Variants in UCKL1 observed in about 807,000 individuals in gnomAD.
The protein encoded by UCKL1 is uridine-cytidine kinase 1 like 1, also known as uridine-cytidine kinase-like 1.
A neutral mutation model predicts 59.2 loss-of-function variants in UCKL1; 65 were observed. The observed-to-expected ratio is 1.10, with a 90% CI of 0.90 to 1.35. UCKL1 has a LOEUF of 1.35. Among genes scored for constraint, UCKL1 ranks in the 40% most tolerant of loss-of-function variants. The pLI, the probability that UCKL1 is intolerant of heterozygous loss-of-function variation, is 0.00. For synonymous variants in UCKL1, 410 were observed against 323.1 expected (o/e 1.27, Z -2.88); for missense variants, 703 against 784.3 (o/e 0.90, Z 1.24).
chr20:63,949,629 C>G (rs1363865529), intron 1 of UCKL1, among the ~76,000 whole-genome samples: 4 of 152,354 alleles, frequency 2.6e-5, no homozygotes, highest in African/African-American at 9.6e-5. Flanking sequence ...TCCCAGCAGA[C>G]AGAAACGCTC....
At position 63,939,996 on chromosome 20, in the gene UCKL1, C is replaced by G; in HGVS notation, c.1627G>C (p.Glu543Gln). 1 of 1,612,382 alleles carries G rather than the reference C, an allele frequency of 6.2e-7. No homozygotes were observed. The change falls in exon 15 of 15, where the codon GAA becomes CAA. Residue 543 changes from glutamate (E) to glutamine (Q), a missense_variant. This residue lies in a region of UCKL1 where 124 missense variants were observed against 161.1 expected (regional missense o/e 0.77). Transcript: ENST00000354216. The stretch of plus-strand genomic sequence containing the variant: ...GGCAGCTAACCCGTGTAGGCCACTT[C>G]CTCCTCGTCACTGCCATCGGGGACC... ...DAVPDGSDEE[E>Q]VAYTG is the part of the protein sequence containing the mutation.
chr20:63,944,385 G>A lies in UCKL1; in HGVS notation c.906+12C>T. The A allele has an allele frequency of 6.4e-7, 1 of 1,550,568 alleles. No homozygotes were observed. Among genetic ancestry groups the A allele is most frequent in the Non-Finnish European group, 8.7e-7 (1 of 1,148,318 alleles). ...TGGGGGCTAGGCCGTGGGGACGTGG[G>A]ACCCCGCTCACCTCCTCCAGCTGGC... On this transcript the variant is annotated intron_variant, in intron 7 of 14. Transcript: ENST00000354216.
intron 1 of UCKL1, 136 bp downstream of exon 1, chr20:63,956,124 A>G: frequency 1.2e-6 from 1 of 826,654 alleles, no homozygotes. Context: ...GGCACGTGGG[A>G]GAACGGGGCG....
In UCKL1 at chr20:63,944,627, C is replaced by T. The variant is rs140037064; in HGVS notation, c.762G>A (p.Lys254=). The T allele has an allele frequency of 1.2e-6, 2 of 1,613,086 alleles. No homozygotes were observed. The highest frequency in any genetic ancestry group is 1.6e-4 in the Middle Eastern group (1 of 6,084). ...ERGRDIEGVI[K]QYNKFVKPSF... ...AGGGCTTGACAAACTTGTTGTACTG[C>T]TTGATGACACCCTCGATGTCCCGGC... The change falls in exon 6 of 15, where the codon AAG becomes AAA. Residue 254 remains lysine, a synonymous_variant. Coordinates refer to ENST00000354216, the MANE Select transcript of UCKL1 (RefSeq NM_017859.4).
Position 63,943,683 on chromosome 20 carries a change from A to G in UCKL1, c.907-14T>C, listed in dbSNP as rs1315446410. 1 of 1,612,484 alleles carries G rather than the reference A, an allele frequency of 6.2e-7. No homozygotes were observed. The highest frequency in any genetic ancestry group is 8.5e-7 in the Non-Finnish European group (1 of 1,179,876). On this transcript the variant is annotated splice_polypyrimidine_tract_variant and intron_variant, in intron 7 of 14. Coordinates refer to ENST00000354216, the MANE Select transcript of UCKL1 (RefSeq NM_017859.4). ...GCTGAGTTCACGCTGTGGCAGCAACACAGGAAGACACAAGGGAACGGTGGC... is the reference window on the plus strand; with the variant it reads ...GCTGAGTTCACGCTGTGGCAGCAACGCAGGAAGACACAAGGGAACGGTGGC...
chr20:63,948,627 AGAGGGAAGGGGCGTGTGTGAG>A (rs2056983344), intron 1 of UCKL1, among the ~76,000 whole-genome samples: 2 of 3,454 alleles, frequency 5.8e-4, no homozygotes, highest in Admixed American at 3.6e-3. Flanking sequence ...GGCGTGTGTG[AGAGGGAAGGGGCGTGTGTGAG>A]AGGGAGGGGC....
chr20:63,942,364 G>C (rs1194076024), intron 8 of UCKL1: 1 of 1,161,328 alleles, frequency 8.6e-7, no homozygotes, highest in Non-Finnish European at 1.1e-6. Flanking sequence ...ACAGCGGCAG[G>C]GAAAGGGGCG....
At chr20:63,948,343 CTG>C (rs1253550567) in intron 1 of UCKL1, 1 of 152,044 alleles carries the variant, frequency 6.6e-6, no homozygotes, top group East Asian at 2.0e-4. Flanking sequence ...GCGGCACAGT[CTG>C]TCCACCGCGC....
chr20:63,940,232 G>A lies in UCKL1; in HGVS notation c.1485C>T (p.Ala495=), dbSNP rs1363233448. ...LMAEMGVHSV[A]YAFPRVRIIT... is the part of the protein sequence containing the mutation. ...TGATTCTCACTCGCGGAAATGCATA[G>A]GCCACTGAGTGCACGCCCATCTCTG... Residue 495 remains alanine (A), a synonymous_variant, in exon 14 of 15, where the codon GCC becomes GCT. Coordinates refer to ENST00000354216, the MANE Select transcript of UCKL1 (RefSeq NM_017859.4). 6.2e-7 allele frequency: 1 copy of A among 1,612,788 alleles called. No homozygotes were observed. Among genetic ancestry groups the A allele is most frequent in the Non-Finnish European group, 8.5e-7 (1 of 1,179,988 alleles).
Position 63,956,316 on chromosome 20 carries a change from C to A in UCKL1, c.57G>T (p.Thr19=), listed in dbSNP as rs535689162. 2.4e-5 allele frequency: 37 copies of A among 1,555,914 alleles called. No individual in the cohort carries two copies. The highest frequency in any genetic ancestry group is 3.8e-5 in the Admixed American group (2 of 52,204). The change falls in exon 1 of 15, where the codon ACG becomes ACT. Residue 19 remains threonine (T), a synonymous_variant. Coordinates refer to ENST00000354216, the MANE Select transcript of UCKL1 (RefSeq NM_017859.4). ...CCTGCCGGCCTGGTGTGTCTCGGGC[C>A]GTAGGTGGCGACGTGGGCGAAGGAT... ...DADPSPTSPP[T]ARDTPGRQAE... is the part of the protein sequence containing the mutation.
rs1333491622 is a variant in UCKL1, at chr20:63,939,954, G to A, written c.*22C>T. 1.2e-6 allele frequency: 2 copies of A among 1,609,854 alleles called. No individual in the cohort carries two copies. The highest frequency in any genetic ancestry group is 3.3e-4 in the Middle Eastern group (2 of 6,048). ...CAGGAGGCAGGAGGAGGGTGGTGGGGACGGGATGGCTCACTGGGCAGCTAA... is the reference window on the plus strand; with the variant it reads ...CAGGAGGCAGGAGGAGGGTGGTGGGAACGGGATGGCTCACTGGGCAGCTAA... On this transcript the variant is annotated 3_prime_UTR_variant, in exon 15 of 15. Coordinates refer to ENST00000354216, the MANE Select transcript of UCKL1 (RefSeq NM_017859.4).
chr20:63,944,651 G>A lies in UCKL1; in HGVS notation c.738C>T (p.Gly246=). The change falls in exon 6 of 15, where the codon GGC becomes GGT. Residue 246 remains glycine (G), a synonymous_variant. Coordinates refer to ENST00000354216, the MANE Select transcript of UCKL1 (RefSeq NM_017859.4). ...RRLRRDISER[G]RDIEGVIKQY... is the part of the protein sequence containing the mutation. ...GCTTGATGACACCCTCGATGTCCCG[G>A]CCGCGCTCACTGATGTCCCGGCGCA... The A allele has an allele frequency of 1.2e-6, 2 of 1,612,862 alleles. No individual in the cohort carries two copies.
At position 63,941,090 on chromosome 20, in the gene UCKL1, G is replaced by A; in HGVS notation, c.1022+20C>T. On this transcript the variant is annotated intron_variant, in intron 9 of 14. Coordinates refer to ENST00000354216, the MANE Select transcript of UCKL1 (RefSeq NM_017859.4). Reference sequence around the variant, plus strand: ...GGGAGCACGCGCCCGGGGCCGCCCCGTCCCCAGGTGGGCCCTCACCTGATG... The same window carrying A: ...GGGAGCACGCGCCCGGGGCCGCCCCATCCCCAGGTGGGCCCTCACCTGATG... The A allele has an allele frequency of 2.5e-6, 4 of 1,599,118 alleles. No individual in the cohort carries two copies. Among genetic ancestry groups the A allele is most frequent in the Non-Finnish European group, 3.4e-6 (4 of 1,174,172 alleles).
chr20:63,941,560 T>C (rs1260808715), intron 8 of UCKL1: 1 of 287,768 alleles, frequency 3.5e-6, no homozygotes, highest in Admixed American at 5.1e-5. Flanking sequence ...ATAGGTGTCA[T>C]ACCCCAGAAT....
intron 1 of UCKL1, 138 bp downstream of exon 1, chr20:63,956,122 G>C (rs1266978418): frequency 2.4e-6 from 2 of 841,052 alleles, no homozygotes; most frequent in African/African-American, 3.6e-5. Context: ...CCGGCACGTG[G>C]GAGAACGGGG....
At chr20:63,948,551 G>C (rs1251888099) in intron 1 of UCKL1, 1 of 52,716 alleles carries the variant, frequency 1.9e-5, no homozygotes, top group African/African-American at 8.5e-5. Context: ...CTCGGTGTGA[G>C]GAGGGAGGCG....
chr20:63,940,574 C>T lies in UCKL1; in HGVS notation c.1302+20G>A, dbSNP rs983895303. 6.2e-7 allele frequency: 1 copy of T among 1,605,994 alleles called. No individual in the cohort carries two copies. Among genetic ancestry groups the T allele is most frequent in the Middle Eastern group, 1.7e-4 (1 of 6,042 alleles). On this transcript the variant is annotated intron_variant, in intron 12 of 14. Transcript: ENST00000354216. ...CTGCCCCCTACCCCCGGGCTCATCA[C>T]CCCGGCTGCCCCCAGGCACCTCGGG...
rs1203614218 is a variant in UCKL1 at position 63,950,698 on chromosome 20, T to C, written c.114-4055A>G. ...GACATGCACCAAACACAGGTCTGAG[T>C]GGCCAGGACCACAGCACAAGTGGGT... On this transcript the variant is annotated intron_variant, in intron 1 of 14. Transcript: ENST00000354216. 9 of 1,429,954 alleles carry C rather than the reference T, an allele frequency of 6.3e-6. No homozygotes were observed. In the African/African-American group the frequency reaches 8.7e-5, roughly 14 times the overall value. The allele number at this position is 1,429,954 out of a possible 1,614,324, so 88.6% of individuals were successfully genotyped here.
rs190953790 is a variant in UCKL1, at chr20:63,947,466, C to T, written c.114-823G>A. Reference sequence around the variant, plus strand: ...GGAGGCGAGACCAGACCAGGTTGTGCGCACACACCGAGGGTGAGGTCCCCA... The same window carrying T: ...GGAGGCGAGACCAGACCAGGTTGTGTGCACACACCGAGGGTGAGGTCCCCA... On this transcript the variant is annotated intron_variant, in intron 1 of 14. Coordinates refer to ENST00000354216, the MANE Select transcript of UCKL1 (RefSeq NM_017859.4). Among the ~76,000 whole-genome samples, 29 of 152,316 alleles carry T rather than the reference C, an allele frequency of 1.9e-4. No individual in the cohort carries two copies. In the East Asian group the frequency reaches 3.9e-3, roughly 20 times the overall value.
Sources: gnomAD v4.1 joint callset for allele counts (sites outside exome capture counted in the v4.1 genomes callset) on GRCh38, gnomAD v4.1.1 for gene constraint, gnomAD v4.1.1 regional missense constraint, MANE v1.5 for transcripts, NCBI Gene and HGNC (gene_info 2026-07-23, HGNC 2026-07-21) for gene names.